The following RNF145 variants were observed in gnomAD, a reference collection of about 807,000 sequenced individuals.
RNF145 encodes ring finger protein 145.
In RNF145, 12 loss-of-function variants were observed where a neutral mutation model predicts 57.3. That is an observed-to-expected ratio of 0.21 (90% confidence interval 0.13 to 0.34). The LOEUF is 0.34. Ranked by LOEUF, RNF145 falls within the 10% of genes least tolerant of loss-of-function variation. RNF145 has a pLI of 1.00. For synonymous variants in RNF145, 262 were observed against 288.3 expected (o/e 0.91, Z 0.92); for missense variants, 429 against 799.0 (o/e 0.54, Z 5.58).
intron 2 of RNF145, among the ~76,000 whole-genome samples, chr5:159,201,550 A>C (rs1562076351): frequency 6.6e-6 from 1 of 152,182 alleles, no homozygotes; most frequent in Non-Finnish European, 1.5e-5. Flanking sequence ...ATATCTACTC[A>C]AGAGAGTCTT....
intron 4 of RNF145, among the ~76,000 whole-genome samples, chr5:159,177,247 A>C (rs1042736391): frequency 2.6e-5 from 4 of 152,124 alleles, no homozygotes; most frequent in Admixed American, 1.3e-4. Flanking sequence ...GTTCTGGTCT[A>C]TAGGTGAAAG....
chr5:159,178,115 C>T (rs1290948060), intron 4 of RNF145, among the ~76,000 whole-genome samples: 3 of 151,878 alleles, frequency 2.0e-5, no homozygotes, highest in Middle Eastern at 3.4e-3. Flanking sequence ...ACCTTTAGTG[C>T]CATGGCTTAT....
At chr5:159,194,605 G>A (rs1785393236) in intron 3 of RNF145, 111 bp downstream of exon 3, 2 of 698,250 alleles carry the variant, frequency 2.9e-6, no homozygotes, top group East Asian at 5.1e-5. Context: ...AACCAGTTTT[G>A]GACCTACCAA....
chr5:159,170,436 T>G (rs778628782), intron 6 of RNF145, among the ~76,000 whole-genome samples: 4 of 152,180 alleles, frequency 2.6e-5, no homozygotes, highest in Admixed American at 6.5e-5. Flanking sequence ...TTAACAAAAG[T>G]TTGCTATGAT....
intron 3 of RNF145, among the ~76,000 whole-genome samples, chr5:159,189,423 G>A (rs1785207174): frequency 6.6e-6 from 1 of 152,186 alleles, no homozygotes; most frequent in Admixed American, 6.5e-5. Context: ...CACACTCACT[G>A]TAATGGCTCC....
At chr5:159,167,975 A>C (rs1304570518) in intron 8 of RNF145, among the ~76,000 whole-genome samples, 1 of 152,196 alleles carries the variant, frequency 6.6e-6, no homozygotes, top group Non-Finnish European at 1.5e-5. Context: ...GCTACCGAAG[A>C]AGCAATAAAT....
chr5:159,184,562 G>C (rs554946494), intron 3 of RNF145, among the ~76,000 whole-genome samples: 1 of 152,106 alleles, frequency 6.6e-6, no homozygotes, highest in African/African-American at 2.4e-5. Context: ...GGATTTTAAC[G>C]TCTTTTTTAT....
chr5:159,199,664 C>T (rs1404350868), intron 2 of RNF145, among the ~76,000 whole-genome samples: 8 of 152,180 alleles, frequency 5.3e-5, no homozygotes, highest in African/African-American at 1.4e-4. Context: ...TCCTATAAAA[C>T]GCTGCCTAAT....
chr5:159,190,620 C>T (rs1343242739), intron 3 of RNF145, among the ~76,000 whole-genome samples: 1 of 145,912 alleles, frequency 6.9e-6, no homozygotes, highest in African/African-American at 2.6e-5. Flanking sequence ...GAGTTCAAGG[C>T]TACAGTGAGC....
chr5:159,182,083 TTAGA>T, intron 3 of RNF145, 32 bp from the exon 4 acceptor site: 2 of 1,228,234 alleles, frequency 1.6e-6, no homozygotes, highest in Non-Finnish European at 2.4e-6. Context: ...AATGTATATA[TTAGA>T]TACATTCCTA....
At chr5:159,180,914 T>C (rs899904751) in intron 4 of RNF145, among the ~76,000 whole-genome samples, 1 of 151,998 alleles carries the variant, frequency 6.6e-6, no homozygotes, top group Admixed American at 6.6e-5. Flanking sequence ...AAGAATGATA[T>C]AGTGGAATTC....
Position 159,165,958 on chromosome 5 carries a change from G to T in RNF145, c.1122-2879C>A, listed in dbSNP as rs141130970. On this transcript the variant is annotated intron_variant, in intron 8 of 10. Coordinates refer to ENST00000424310, the MANE Select transcript of RNF145 (RefSeq NM_001199383.2). ...TCTACATGTCTCCTACTGTACACAT[G>T]CAAGAGTCTTTGAATATATACCTAT... 9.3e-4 allele frequency among the ~76,000 whole-genome samples: 141 copies of T among 152,272 alleles called. 1 individual carries two copies. In the East Asian group the frequency reaches 0.022, roughly 24 times the overall value.
chr5:159,182,398 A>T (rs1784922585), intron 3 of RNF145, among the ~76,000 whole-genome samples: 2 of 152,074 alleles, frequency 1.3e-5, no homozygotes, highest in Non-Finnish European at 2.9e-5. Context: ...ATCTAGTGAT[A>T]TTACACTAAA....
intron 8 of RNF145, among the ~76,000 whole-genome samples, 192 bp from the exon 9 acceptor site, chr5:159,163,271 C>T (rs576792036): frequency 4.6e-5 from 7 of 152,334 alleles, no homozygotes; most frequent in African/African-American, 1.7e-4. Flanking sequence ...CCACCACACT[C>T]AGTCAATTGC....
intron 2 of RNF145, among the ~76,000 whole-genome samples, chr5:159,203,010 C>CT (rs1391193234): frequency 6.6e-6 from 1 of 151,640 alleles, no homozygotes. Context: ...TAACTGAACA[C>CT]TTTATCTTCA....
intron 1 of RNF145, chr5:159,207,745 T>A (rs1436044061): frequency 1.2e-6 from 2 of 1,614,020 alleles, no homozygotes; most frequent in Admixed American, 3.3e-5. Context: ...CTAGCTAACT[T>A]TGTATGTACC....
At chr5:159,207,500 C>T (rs191550810) in intron 1 of RNF145, 16,826 of 1,527,558 alleles carry the variant, frequency 0.011, 141 homozygotes, top group Non-Finnish European at 0.013. Flanking sequence ...TTCTCCCAAC[C>T]AGTTAAAAAA....
intron 1 of RNF145, chr5:159,208,242 G>A (rs1421669943): frequency 5.0e-6 from 5 of 994,394 alleles, no homozygotes; most frequent in South Asian, 3.9e-5. Flanking sequence ...CGCCGCCGCG[G>A]GGCTAAGAGA....
At chr5:159,184,642 TCTAA>T (rs1165579046) in intron 3 of RNF145, among the ~76,000 whole-genome samples, 17 of 152,190 alleles carry the variant, frequency 1.1e-4, no homozygotes, top group Non-Finnish European at 1.8e-4. Flanking sequence ...ATTTCTAGGT[TCTAA>T]CTTTTTCATT....
Sources: allele counts gnomAD v4.1 joint callset (sites outside exome capture counted in the v4.1 genomes callset), GRCh38; gene constraint gnomAD v4.1.1; transcripts MANE v1.5; gene names NCBI Gene and HGNC (gene_info 2026-07-23, HGNC 2026-07-21).